Variants in ABCC3 observed in about 807,000 individuals in gnomAD.
ABCC3 encodes the protein ATP binding cassette subfamily C member 3.
Under a neutral mutation model 165.3 loss-of-function variants are expected in ABCC3, and 121 were observed. The ratio of observed to expected loss-of-function variants is 0.73; its 90% CI spans 0.63 to 0.85. The LOEUF (loss-of-function observed/expected upper bound fraction) is 0.85. Ranked by LOEUF, ABCC3 falls within the 40% of genes least tolerant of loss-of-function variation. ABCC3 has a pLI of 0.00. For synonymous variants in ABCC3, 733 were observed against 810.1 expected (o/e 0.90, Z 1.62); for missense variants, 1,869 against 1,964.1 (o/e 0.95, Z 0.92).
At chr17:50,680,420 C>T (rs1967907789) in intron 26 of ABCC3, among the ~76,000 whole-genome samples, 1 of 152,070 alleles carries the variant, frequency 6.6e-6, no homozygotes, top group Non-Finnish European at 1.5e-5. Context: ...TTCTCCACCG[C>T]CCCCTCTCAT....
chr17:50,671,376 A>G (rs563894548), intron 17 of ABCC3, among the ~76,000 whole-genome samples: 1 of 152,292 alleles, frequency 6.6e-6, no homozygotes, highest in South Asian at 2.1e-4. Flanking sequence ...TTGCAAAACT[A>G]AAATTGTGCC....
chr17:50,677,217 C>T (rs1034894926), intron 23 of ABCC3, among the ~76,000 whole-genome samples: 1 of 152,240 alleles, frequency 6.6e-6, no homozygotes, highest in Admixed American at 6.5e-5. Flanking sequence ...ACATTGTCAA[C>T]AGTTTGGGAC....
In ABCC3 at chr17:50,683,973, G is replaced by A. The variant is rs1334460494; in HGVS notation, c.3979G>A (p.Ala1327Thr). 6.2e-7 allele frequency: 1 copy of A among 1,613,368 alleles called. No individual in the cohort carries two copies. The highest frequency in any genetic ancestry group is 8.5e-7 in the Non-Finnish European group (1 of 1,179,696). The change falls in exon 28 of 31, where the codon GCT becomes ACT. Residue 1327 changes from alanine (A) to threonine (T), a missense_variant. Physicochemically the swap from Ala to Thr is moderately conservative, Grantham distance 58. Coordinates refer to ENST00000285238, the MANE Select transcript of ABCC3 (RefSeq NM_003786.4). ...GGTGGGGATCGTGGGCCGCACTGGG[G>A]CTGGCAAGTCTTCCATGACCCTTTG... ...EKVGIVGRTG[A>T]GKSSMTLCLF...
At chr17:50,678,039 A>G (rs1331122582) in intron 24 of ABCC3, 54 bp from the exon 25 acceptor site, 2 of 1,613,914 alleles carry the variant, frequency 1.2e-6, no homozygotes, top group Non-Finnish European at 1.7e-6. Context: ...CCTAAGCAGA[A>G]AACTGGCCCT....
intron 5 of ABCC3, 73 bp downstream of exon 5, chr17:50,658,280 C>T: frequency 6.2e-7 from 1 of 1,608,394 alleles, no homozygotes; most frequent in Non-Finnish European, 8.5e-7. Context: ...CAGCCCCCAA[C>T]CCCTCCAGTT....
chr17:50,661,144 C>A (rs1489819346), intron 8 of ABCC3, 30 bp downstream of exon 8: 3 of 1,555,196 alleles, frequency 1.9e-6, no homozygotes, highest in Non-Finnish European at 2.6e-6. Context: ...CACTATAGCC[C>A]TGCCCTGGGC....
chr17:50,634,903 G>A lies in ABCC3; in HGVS notation c.-34G>A. ...GCTCTGCCCGCCGCTGGGTCCGACCGCGCTCGCCTTCCTTGCAGCCGCGCC... is the reference window on the plus strand; with the variant it reads ...GCTCTGCCCGCCGCTGGGTCCGACCACGCTCGCCTTCCTTGCAGCCGCGCC... On this transcript the variant is annotated 5_prime_UTR_variant, in exon 1 of 31. Coordinates refer to ENST00000285238, the MANE Select transcript of ABCC3 (RefSeq NM_003786.4). The A allele has an allele frequency of 8.0e-7, 1 of 1,250,684 alleles. No individual in the cohort carries two copies. The highest frequency in any genetic ancestry group is 3.1e-4 in the Middle Eastern group (1 of 3,260). The allele number at this position is 1,250,684 out of a possible 1,614,324, so 77.5% of individuals were successfully genotyped here.
In ABCC3 at chr17:50,665,184, C is replaced by T; in HGVS notation, c.1370C>T (p.Ala457Val). The T allele has an allele frequency of 6.2e-7, 1 of 1,614,210 alleles. No homozygotes were observed. Among genetic ancestry groups the T allele is most frequent in the Non-Finnish European group, 8.5e-7 (1 of 1,180,040 alleles). ...GGTCCCTCTGTCCTGGCTGGAGTCG[C>T]TTTCATGGTCTTGCTGATTCCACTC... ...NLGPSVLAGV[A>V]FMVLLIPLNG... The change falls in exon 11 of 31, where the codon GCT (alanine) becomes GTT (valine). Residue 457 changes from alanine to valine, a missense_variant. Transcript: ENST00000285238.
Position 50,667,653 on chromosome 17 carries a change from C to T in ABCC3, c.1531C>T (p.Leu511=), listed in dbSNP as rs1216535143. ...LKLYAWEPSF[L]KQVEGIRQGE... is the part of the protein sequence containing the mutation. ...GCTGTACGCCTGGGAGCCCAGCTTC[C>T]TGAAGCAGGTGGAGGGCATCAGGCA... is the stretch of plus-strand genomic sequence containing the variant. Residue 511 remains leucine, a synonymous_variant, in exon 12 of 31, where the codon CTG becomes TTG. Coordinates refer to ENST00000285238, the MANE Select transcript of ABCC3 (RefSeq NM_003786.4). 1 of 1,614,170 alleles carries T rather than the reference C, an allele frequency of 6.2e-7. No homozygotes were observed. The highest frequency in any genetic ancestry group is 8.5e-7 in the Non-Finnish European group (1 of 1,180,032).
intron 11 of ABCC3, among the ~76,000 whole-genome samples, chr17:50,666,700 C>T (rs1567832466): frequency 1.3e-5 from 2 of 152,208 alleles, no homozygotes; most frequent in Non-Finnish European, 2.9e-5. Context: ...CTGAATTCAT[C>T]GTGACAAATT....
rs576698425 is a variant in ABCC3 at position 50,638,174 on chromosome 17, C to G, written c.45+3193C>G. Among the ~76,000 whole-genome samples, 25 of 152,310 alleles carry G rather than the reference C, an allele frequency of 1.6e-4. 1 individual carries two copies. The South Asian group carries it at 5.0e-3, about 30-fold the overall frequency. On this transcript the variant is annotated intron_variant, in intron 1 of 30. Coordinates refer to ENST00000285238, the MANE Select transcript of ABCC3 (RefSeq NM_003786.4). Reference sequence around the variant, plus strand: ...TCAGGAGGCCAGAGGTGCCTCAGAACAAGGGAGGAGGTGGGATCCTCTGCC... The same window carrying G: ...TCAGGAGGCCAGAGGTGCCTCAGAAGAAGGGAGGAGGTGGGATCCTCTGCC...
At position 50,684,829 on chromosome 17, in the gene ABCC3, C is replaced by A. The variant is rs143710549; in HGVS notation, c.4234C>A (p.Pro1412Thr). The A allele has an allele frequency of 4.4e-4, 711 of 1,614,138 alleles. 2 individuals carry two copies. In the African/African-American group the frequency reaches 8.6e-3, roughly 19 times the overall value. ...SHLHTFVSSQ[P>T]AGLDFQCSEG... Reference sequence around the variant, plus strand: ...CCTGCACACGTTTGTGAGCTCCCAGCCGGCAGGCCTGGACTTCCAGTGCTC... The same window carrying A: ...CCTGCACACGTTTGTGAGCTCCCAGACGGCAGGCCTGGACTTCCAGTGCTC... The change falls in exon 29 of 31, where the codon CCG (proline) becomes ACG (threonine). Residue 1412 changes from proline to threonine, a missense_variant. Transcript: ENST00000285238.
At chr17:50,667,498 G>A in intron 11 of ABCC3, 56 bp from the exon 12 acceptor site, 2 of 1,485,536 alleles carry the variant, frequency 1.3e-6, no homozygotes, top group Non-Finnish European at 1.9e-6. Context: ...GACCCTGTGA[G>A]CAGGAGGTCA....
chr17:50,660,993 A>C lies in ABCC3; in HGVS notation c.877A>C (p.Arg293=). Residue 293 remains arginine (R), a synonymous_variant, in exon 8 of 31, where the codon AGG becomes CGG. Coordinates refer to ENST00000285238, the MANE Select transcript of ABCC3 (RefSeq NM_003786.4). ...EDEVLLGARP[R]PRKPSFLKAL... ...CGAGGTGCTGCTGGGTGCCCGGCCC[A>C]GGCCCCGGAAGCCCTCCTTCCTGAA... is the stretch of plus-strand genomic sequence containing the variant. 2 of 1,614,024 alleles carry C rather than the reference A, an allele frequency of 1.2e-6. No individual in the cohort carries two copies. Among genetic ancestry groups the C allele is most frequent in the Non-Finnish European group, 1.7e-6 (2 of 1,179,952 alleles).
Position 50,663,731 on chromosome 17 carries a change from T to C in ABCC3, c.1049T>C (p.Phe350Ser), listed in dbSNP as rs1307952658. 6.2e-7 allele frequency: 1 copy of C among 1,614,206 alleles called. No individual in the cohort carries two copies. Among genetic ancestry groups the C allele is most frequent in the Non-Finnish European group, 8.5e-7 (1 of 1,180,040 alleles). The change falls in exon 9 of 31, where the codon TTC becomes TCC. Residue 350 changes from phenylalanine (F) to serine (S), a missense_variant. Phe to Ser is a radical substitution (Grantham distance 155). Coordinates refer to ENST00000285238, the MANE Select transcript of ABCC3 (RefSeq NM_003786.4). ...CCCATGGCCCCCTCCTGGTGGGGCT[T>C]CCTGGTGGCTGGGCTGATGTTCCTG... The part of the protein sequence containing the change: ...SNPMAPSWWG[F>S]LVAGLMFLCS...
In ABCC3 at chr17:50,676,358, CACA is replaced by C; in HGVS notation, c.3153_3155del (p.Asn1051del). ...CCGTGTGTTGCACCAGGCACTGCTG[CACA>C]ACAAGATACGCTCGCCACAGTCCTT... On this transcript the variant is annotated inframe_deletion, in exon 23 of 31. Transcript: ENST00000285238. 7.4e-6 allele frequency: 12 copies of C among 1,614,182 alleles called. No homozygotes were observed. The highest frequency in any genetic ancestry group is 1.0e-5 in the Non-Finnish European group (12 of 1,180,014).
rs531842152 is a variant in ABCC3 at position 50,658,146 on chromosome 17, C to T, written c.551C>T (p.Ala184Val). ...ATCCACTTTGCCCTGGTACTCTCTG[C>T]CCTCATCTTGGCCTGCTTCAGGGAG... The part of the protein sequence containing the change: ...FYIHFALVLS[A>V]LILACFREKP... Residue 184 changes from alanine to valine, a missense_variant, in exon 5 of 31, where the codon GCC (alanine) becomes GTC (valine). Transcript: ENST00000285238. The T allele has an allele frequency of 1.9e-5, 30 of 1,614,222 alleles. No homozygotes were observed. The Admixed American group carries it at 2.0e-4, about 11-fold the overall frequency.
At chr17:50,687,467 G>A (rs1968042482) in intron 29 of ABCC3, 69 bp from the exon 30 acceptor site, 1 of 1,491,782 alleles carries the variant, frequency 6.7e-7, no homozygotes, top group South Asian at 1.2e-5. Flanking sequence ...AGTGAAACAG[G>A]TCTGGGAATG....
chr17:50,661,560 G>A (rs1488059797), intron 8 of ABCC3, among the ~76,000 whole-genome samples: 1 of 152,228 alleles, frequency 6.6e-6, no homozygotes, highest in Admixed American at 6.5e-5. Flanking sequence ...CTCAGGAATG[G>A]CTTGGACTAG....
Sources: gnomAD v4.1 joint callset for allele counts (sites outside exome capture counted in the v4.1 genomes callset) on GRCh38, gnomAD v4.1.1 for gene constraint, MANE v1.5 for transcripts, NCBI Gene and HGNC (gene_info 2026-07-23, HGNC 2026-07-21) for gene names.